Variants in PCDH9 observed in about 807,000 individuals in gnomAD.
PCDH9 encodes protocadherin 9.
A neutral mutation model predicts 70.6 loss-of-function variants in PCDH9; 24 were observed. The observed-to-expected ratio is 0.34, with a 90% CI of 0.25 to 0.48. PCDH9 has a LOEUF of 0.48. Among genes scored for constraint, PCDH9 ranks in the 20% least tolerant of loss-of-function variants. The pLI is 0.99. For missense variants in PCDH9, 1,281 were observed against 1,503.6 expected, an observed-to-expected ratio of 0.85 and a Z score of 2.45; for synonymous variants, 562 against 558.5, an observed-to-expected ratio of 1.01 and a Z score of -0.09.
At chr13:67,121,679 A>G (rs778871461) in intron 2 of PCDH9, among the ~76,000 whole-genome samples, 1 of 152,182 alleles carries the variant, frequency 6.6e-6, no homozygotes, top group Non-Finnish European at 1.5e-5. Flanking sequence ...AATTTTCTTG[A>G]TGCAAAATCA....
intron 3 of PCDH9, among the ~76,000 whole-genome samples, chr13:66,779,029 A>G (rs1206085135): frequency 6.6e-6 from 1 of 151,982 alleles, no homozygotes; most frequent in Non-Finnish European, 1.5e-5. Context: ...ATTCCTTTCT[A>G]TTTATCTTAG....
intron 3 of PCDH9, among the ~76,000 whole-genome samples, chr13:66,815,672 AT>A (rs989187809): frequency 6.6e-6 from 1 of 152,190 alleles, no homozygotes; most frequent in African/African-American, 2.4e-5. Context: ...AGAAAACAAA[AT>A]ACCACATGTT....
At chr13:67,102,196 A>G (rs1419679823) in intron 2 of PCDH9, among the ~76,000 whole-genome samples, 1 of 152,168 alleles carries the variant, frequency 6.6e-6, no homozygotes, top group Non-Finnish European at 1.5e-5. Flanking sequence ...TACAATAGTG[A>G]AACTGCTAGA....
intron 4 of PCDH9, among the ~76,000 whole-genome samples, chr13:66,340,340 A>AT (rs1956104961): frequency 1.3e-5 from 2 of 152,048 alleles, no homozygotes; most frequent in African/African-American, 4.8e-5. Flanking sequence ...AGAACCTAAA[A>AT]TTTTTTCTTG....
intron 2 of PCDH9, among the ~76,000 whole-genome samples, chr13:67,177,779 C>T (rs915067439): frequency 6.6e-6 from 1 of 152,106 alleles, no homozygotes; most frequent in African/African-American, 2.4e-5. Context: ...TTTGCTAACA[C>T]TGGACCTTTC....
intron 2 of PCDH9, chr13:67,216,526 T>A (rs1264245670): frequency 6.6e-6 from 1 of 151,170 alleles, no homozygotes; most frequent in Non-Finnish European, 1.5e-5. Context: ...TTCCTTAACT[T>A]GGAAAAAGGC....
At chr13:67,092,141 G>A (rs982336229) in intron 2 of PCDH9, among the ~76,000 whole-genome samples, 1 of 151,986 alleles carries the variant, frequency 6.6e-6, no homozygotes, top group African/African-American at 2.4e-5. Context: ...TACCTTTAAG[G>A]TGAAATAATT....
chr13:66,754,032 T>C (rs2139233048), intron 3 of PCDH9, among the ~76,000 whole-genome samples: 1 of 152,330 alleles, frequency 6.6e-6, no homozygotes, highest in Non-Finnish European at 1.5e-5. Flanking sequence ...GCCATTTCTT[T>C]CTGAACCTCT....
chr13:66,317,740 A>G (rs536032894), intron 4 of PCDH9, among the ~76,000 whole-genome samples: 19 of 151,582 alleles, frequency 1.3e-4, no homozygotes, highest in African/African-American at 4.1e-4. Flanking sequence ...GATATTTAAG[A>G]AAAAAAAAGA....
intron 3 of PCDH9, among the ~76,000 whole-genome samples, chr13:66,671,108 G>C (rs1352800478): frequency 6.6e-6 from 1 of 151,976 alleles, no homozygotes; most frequent in Admixed American, 6.6e-5. Context: ...GTTTTATAAA[G>C]GGCAGTTCCC....
intron 4 of PCDH9, among the ~76,000 whole-genome samples, chr13:66,593,716 T>A (rs145996206): frequency 6.6e-6 from 1 of 151,820 alleles, no homozygotes; most frequent in East Asian, 1.9e-4. Flanking sequence ...AAGGGGAAAA[T>A]CTTTGCTTTT....
chr13:66,984,845 G>A (rs2083856518), intron 2 of PCDH9, among the ~76,000 whole-genome samples: 1 of 151,922 alleles, frequency 6.6e-6, no homozygotes, highest in African/African-American at 2.4e-5. Flanking sequence ...GGGGTCACTG[G>A]GCTTTTAATA....
intron 2 of PCDH9, among the ~76,000 whole-genome samples, chr13:67,184,320 T>C (rs1453920521): frequency 2.0e-5 from 3 of 152,168 alleles, no homozygotes; most frequent in African/African-American, 7.2e-5. Flanking sequence ...TAAGTTCCTT[T>C]TCATGCCAAA....
At chr13:66,800,013 C>T (rs755052678) in intron 3 of PCDH9, among the ~76,000 whole-genome samples, 1 of 152,164 alleles carries the variant, frequency 6.6e-6, no homozygotes, top group Non-Finnish European at 1.5e-5. Context: ...ATGTTTTCTA[C>T]ACAGAAGTCA....
chr13:66,305,067 G>A, intron 4 of PCDH9, 39 bp from the exon 5 acceptor site: 4 of 1,514,796 alleles, frequency 2.6e-6, no homozygotes, highest in South Asian at 1.3e-5. Flanking sequence ...AAAAGGAAGT[G>A]GTTAAAATTT....
At chr13:66,764,162 T>C (rs1375470526) in intron 3 of PCDH9, among the ~76,000 whole-genome samples, 1 of 151,848 alleles carries the variant, frequency 6.6e-6, no homozygotes, top group Non-Finnish European at 1.5e-5. Context: ...ATTGTATTTC[T>C]TAAGAGGTGG....
chr13:66,341,590 TTAGAGC>T (rs1956126236), intron 4 of PCDH9, among the ~76,000 whole-genome samples: 1 of 152,098 alleles, frequency 6.6e-6, no homozygotes, highest in South Asian at 2.1e-4. Context: ...CCTATGCACA[TTAGAGC>T]TAGAGAAACA....
chr13:66,538,777 A>C (rs1421430004), intron 4 of PCDH9, among the ~76,000 whole-genome samples: 1 of 152,112 alleles, frequency 6.6e-6, no homozygotes, highest in East Asian at 1.9e-4. Context: ...GGCCTAGCCA[A>C]TTGACACATA....
intron 2 of PCDH9, among the ~76,000 whole-genome samples, chr13:66,904,428 G>A (rs2082326948): frequency 6.6e-6 from 1 of 151,884 alleles, no homozygotes; most frequent in Non-Finnish European, 1.5e-5. Context: ...AGCAATATTT[G>A]TAAGTATTGC....
Sources: allele counts gnomAD v4.1 joint callset (sites outside exome capture counted in the v4.1 genomes callset), GRCh38; gene constraint gnomAD v4.1.1; transcripts MANE v1.5; gene names NCBI Gene and HGNC (gene_info 2026-07-23, HGNC 2026-07-21).